The following NRROS variants were observed in gnomAD, a reference collection of about 807,000 sequenced individuals.
NRROS encodes negative regulator of reactive oxygen species.
A neutral mutation model predicts 12.0 loss-of-function variants in NRROS; 6 were observed. The ratio of observed to expected loss-of-function variants is 0.50; its 90% CI spans 0.27 to 0.98. The LOEUF (loss-of-function observed/expected upper bound fraction) is 0.98. NRROS is among the 50% of genes least tolerant of loss of function. NRROS has a pLI of 0.11. For synonymous variants in NRROS, 462 were observed against 410.2 expected, an observed-to-expected ratio of 1.13 and a Z score of -1.53; for missense variants, 857 against 888.2, an observed-to-expected ratio of 0.96 and a Z score of 0.45.
chr3:196,647,692 G>C (rs1737338316), intron 1 of NRROS, among the ~76,000 whole-genome samples: 1 of 152,154 alleles, frequency 6.6e-6, no homozygotes, highest in African/African-American at 2.4e-5. Context: ...CCGAGTAGCT[G>C]GAATTACAGG....
chr3:196,650,436 G>A (rs1255008477), intron 1 of NRROS, among the ~76,000 whole-genome samples: 2 of 151,954 alleles, frequency 1.3e-5, no homozygotes, highest in Non-Finnish European at 2.9e-5. Context: ...GAGCCACTGC[G>A]CCCGGCCATT....
intron 2 of NRROS, among the ~76,000 whole-genome samples, chr3:196,656,810 G>A (rs1051682117): frequency 2.2e-4 from 33 of 152,238 alleles, no homozygotes; most frequent in African/African-American, 7.7e-4. Flanking sequence ...GAAGCCCAAA[G>A]AGTGGGTTTC....
Position 196,654,440 on chromosome 3 carries a change from T to A in NRROS, c.-13-87T>A. On this transcript the variant is annotated intron_variant, in intron 1 of 2. Coordinates refer to ENST00000328557, the MANE Select transcript of NRROS (RefSeq NM_198565.3). This position sits in a 1 kb window ranked among gnomAD's most constrained non-coding sequence, Gnocchi z 4.4. Reference sequence around the variant, plus strand: ...CACAGAGCTCCAAGACCACATAGAATTGGAACTGGCTCCTTCTGCCGATAA... The same window carrying A: ...CACAGAGCTCCAAGACCACATAGAAATGGAACTGGCTCCTTCTGCCGATAA... 1 of 813,196 alleles carries A rather than the reference T, an allele frequency of 1.2e-6. No homozygotes were observed. The highest frequency in any genetic ancestry group is 2.2e-6 in the Non-Finnish European group (1 of 455,424). The allele number at this position is 813,196 out of a possible 1,614,324, so 50.4% of individuals were successfully genotyped here. A position where few individuals can be genotyped will look rare whatever the true frequency, so the allele number is the denominator to read the frequency against.
intron 1 of NRROS, among the ~76,000 whole-genome samples, chr3:196,650,234 ACCT>A (rs1469593379): frequency 1.3e-5 from 2 of 151,654 alleles, no homozygotes; most frequent in Admixed American, 1.3e-4. Context: ...TGCAGCCTCC[ACCT>A]CCCAGGTTCG....
chr3:196,647,361 T>C (rs1180012198), intron 1 of NRROS, among the ~76,000 whole-genome samples: 1 of 152,222 alleles, frequency 6.6e-6, no homozygotes, highest in African/African-American at 2.4e-5. Flanking sequence ...AATTGTATTG[T>C]CTATATTTTG....
rs555907775 is a variant in NRROS at position 196,658,694 on chromosome 3, G to A, written c.109-1058G>A. Among the ~76,000 whole-genome samples the A allele has an allele frequency of 7.2e-5, 11 of 152,310 alleles. No homozygotes were observed. In the East Asian group the frequency reaches 1.9e-3, roughly 27 times the overall value. ...TTAAAACTTCTTTCTGGCCGGGCAC[G>A]GTGGCTCACGCCTGTAATCCCAGCA... is the stretch of plus-strand genomic sequence containing the variant. On this transcript the variant is annotated intron_variant, in intron 2 of 2. Transcript: ENST00000328557.
chr3:196,661,481 T>G lies in NRROS; in HGVS notation c.1838T>G (p.Val613Gly). ...GWGALQHGQTVADWAMVTCNL... is the reference protein window; with the variant it reads ...GWGALQHGQTGADWAMVTCNL... ...GGGGCCCTGCAGCATGGGCAGACGGTGGCCGACTGGGCCATGGTCACCTGC... is the reference window on the plus strand; with the variant it reads ...GGGGCCCTGCAGCATGGGCAGACGGGGGCCGACTGGGCCATGGTCACCTGC... Residue 613 changes from valine to glycine, a missense_variant, in exon 3 of 3, where the codon GTG becomes GGG. By Grantham distance (109) the Val-to-Gly change is moderately radical. Coordinates refer to ENST00000328557, the MANE Select transcript of NRROS (RefSeq NM_198565.3). The G allele has an allele frequency of 6.2e-7, 1 of 1,606,160 alleles. No individual in the cohort carries two copies. Among genetic ancestry groups the G allele is most frequent in the Admixed American group, 1.7e-5 (1 of 59,802 alleles).
rs1306878474 is a variant in NRROS, at chr3:196,659,788, G to A, written c.145G>A (p.Ala49Thr). The A allele has an allele frequency of 1.2e-6, 2 of 1,613,004 alleles. No homozygotes were observed. The highest frequency in any genetic ancestry group is 1.1e-5 in the South Asian group (1 of 90,966). The change falls in exon 3 of 3, where the codon GCT (alanine) becomes ACT (threonine). Residue 49 changes from alanine to threonine, a missense_variant. Transcript: ENST00000328557. Reference sequence around the variant, plus strand: ...CGCTGACTGCCGAGGGCAGAGCCTCGCTTCGGTGCCCAGCAGCCTCCCGCC... The same window carrying A: ...CGCTGACTGCCGAGGGCAGAGCCTCACTTCGGTGCCCAGCAGCCTCCCGCC... ...GAADCRGQSLASVPSSLPPHA... is the reference protein window; with the variant it reads ...GAADCRGQSLTSVPSSLPPHA...
At position 196,654,676 on chromosome 3, in the gene NRROS, G is replaced by A. The variant is rs755464132; in HGVS notation, c.108+29G>A. 30 of 1,364,642 alleles carry A rather than the reference G, an allele frequency of 2.2e-5. No homozygotes were observed. The highest frequency in any genetic ancestry group is 1.6e-4 in the East Asian group (7 of 43,860). 84.5% of individuals were successfully genotyped at this position (1,364,642 alleles called of 1,614,324 possible). Reference sequence around the variant, plus strand: ...AGTTTCCCTTGAACCCTGATCTGTCGGCTGCTCCTGTCCTGACAAGGCTTG... The same window carrying A: ...AGTTTCCCTTGAACCCTGATCTGTCAGCTGCTCCTGTCCTGACAAGGCTTG... On this transcript the variant is annotated intron_variant, in intron 2 of 2. Coordinates refer to ENST00000328557, the MANE Select transcript of NRROS (RefSeq NM_198565.3). This position sits in a 1 kb window ranked among gnomAD's most constrained non-coding sequence, Gnocchi z 4.4.
Position 196,661,275 on chromosome 3 carries a change from G to T in NRROS, c.1632G>T (p.Ser544=). 6.2e-7 allele frequency: 1 copy of T among 1,613,432 alleles called. No homozygotes were observed. ...GFGNLRDLDL[S]GNCLTTFPRF... ...GGAATCTCAGGGACTTAGATCTGTCGGGGAATTGCTTGACCACCTTCCCAA... is the reference window on the plus strand; with the variant it reads ...GGAATCTCAGGGACTTAGATCTGTCTGGGAATTGCTTGACCACCTTCCCAA... The change falls in exon 3 of 3, where the codon TCG becomes TCT. Residue 544 remains serine (S), a synonymous_variant. Transcript: ENST00000328557.
At chr3:196,657,087 T>G (rs1737549928) in intron 2 of NRROS, among the ~76,000 whole-genome samples, 1 of 151,710 alleles carries the variant, frequency 6.6e-6, no homozygotes, top group African/African-American at 2.4e-5. Flanking sequence ...ACCTGTGATC[T>G]CAGCTACTCA....
At position 196,659,919 on chromosome 3, in the gene NRROS, C is replaced by A. The variant is rs772814671; in HGVS notation, c.276C>A (p.His92Gln). The A allele has an allele frequency of 2.5e-6, 4 of 1,614,126 alleles. No homozygotes were observed. The highest frequency in any genetic ancestry group is 3.4e-6 in the Non-Finnish European group (4 of 1,180,008). The change falls in exon 3 of 3, where the codon CAC becomes CAA. Residue 92 changes from histidine (H) to glutamine (Q), a missense_variant. Coordinates refer to ENST00000328557, the MANE Select transcript of NRROS (RefSeq NM_198565.3). The part of the protein sequence containing the change: ...LLESLSLHSC[H>Q]LERISRGAFQ... Reference sequence around the variant, plus strand: ...AGAGCCTCAGCCTGCACAGCTGCCACCTGGAGCGCATCAGCCGCGGCGCCT... The same window carrying A: ...AGAGCCTCAGCCTGCACAGCTGCCAACTGGAGCGCATCAGCCGCGGCGCCT...
chr3:196,643,719 T>C (rs1433858240), intron 1 of NRROS, among the ~76,000 whole-genome samples: 1 of 152,200 alleles, frequency 6.6e-6, no homozygotes, highest in Admixed American at 6.5e-5. Flanking sequence ...ATTTCAGATG[T>C]CAACTGGACA....
chr3:196,655,839 C>T (rs1245508127), intron 2 of NRROS, among the ~76,000 whole-genome samples: 1 of 152,092 alleles, frequency 6.6e-6, no homozygotes, highest in Non-Finnish European at 1.5e-5. Flanking sequence ...GTAATTTTCC[C>T]CTTCATCTAT....
At position 196,654,756 on chromosome 3, in the gene NRROS, C is replaced by A; in HGVS notation, c.108+109C>A. Reference sequence around the variant, plus strand: ...TCAGGAAGGGCAGAGAATGAAGGAGCCTGCATCACTCTGTGCCTGCCTAGC... The same window carrying A: ...TCAGGAAGGGCAGAGAATGAAGGAGACTGCATCACTCTGTGCCTGCCTAGC... On this transcript the variant is annotated intron_variant, in intron 2 of 2. Transcript: ENST00000328557. The surrounding 1 kb of genome is among the most constrained non-coding windows in gnomAD (Gnocchi z 4.4). 2.9e-6 allele frequency: 2 copies of A among 681,100 alleles called. No individual in the cohort carries two copies. Among genetic ancestry groups the A allele is most frequent in the Non-Finnish European group, 5.1e-6 (2 of 395,298 alleles). The allele number at this position is 681,100 out of a possible 1,614,324, so 42.2% of individuals were successfully genotyped here. A position where few individuals can be genotyped will look rare whatever the true frequency, so the allele number is the denominator to read the frequency against.
rs112193914 is a variant in NRROS at position 196,654,460 on chromosome 3, C to T, written c.-13-67C>T. The T allele has an allele frequency of 3.8e-5, 36 of 936,916 alleles. No individual in the cohort carries two copies. In the Middle Eastern group the frequency reaches 8.4e-4, roughly 22 times the overall value. 58.0% of individuals were successfully genotyped at this position (936,916 alleles called of 1,614,324 possible). On this transcript the variant is annotated intron_variant, in intron 1 of 2. Transcript: ENST00000328557. The surrounding 1 kb of genome is among the most constrained non-coding windows in gnomAD (Gnocchi z 4.4). ...TAGAATTGGAACTGGCTCCTTCTGC[C>T]GATAATACAAACAGCCCTCTGGGAT...
rs1209139027 is a variant in NRROS at position 196,661,869 on chromosome 3, C to T, written c.*147C>T. ...ATGTTTCCATTCCTCATCGCCCACC[C>T]CACCCCCGCCCCCACCACCGCCCAA... On this transcript the variant is annotated 3_prime_UTR_variant, in exon 3 of 3. Coordinates refer to ENST00000328557, the MANE Select transcript of NRROS (RefSeq NM_198565.3). The T allele has an allele frequency of 7.4e-6, 4 of 537,764 alleles. No individual in the cohort carries two copies. The highest frequency in any genetic ancestry group is 6.0e-6 in the Non-Finnish European group (2 of 332,430). The allele number at this position is 537,764 out of a possible 1,614,324, so 33.3% of individuals were successfully genotyped here. A position where few individuals can be genotyped will look rare whatever the true frequency, so the allele number is the denominator to read the frequency against.
At chr3:196,656,467 A>G (rs1036197380) in intron 2 of NRROS, among the ~76,000 whole-genome samples, 1 of 152,184 alleles carries the variant, frequency 6.6e-6, no homozygotes. Flanking sequence ...TCTGTAGAAT[A>G]TATACGTAAT....
At chr3:196,646,727 CG>C (rs1339437454) in intron 1 of NRROS, among the ~76,000 whole-genome samples, 8 of 152,202 alleles carry the variant, frequency 5.3e-5, no homozygotes, top group Admixed American at 1.3e-4. Flanking sequence ...AATCCCCCCC[CG>C]ATGGAGGCAG....
Sources: gnomAD v4.1 joint callset for allele counts (sites outside exome capture counted in the v4.1 genomes callset) on GRCh38, gnomAD v4.1.1 for gene constraint, Gnocchi (gnomAD v3.1) non-coding constraint, MANE v1.5 for transcripts, NCBI Gene and HGNC (gene_info 2026-07-23, HGNC 2026-07-21) for gene names.